BNC2: variants seen among roughly 807,000 people sequenced by gnomAD.
BNC2 encodes the protein zinc finger protein basonuclin-2.
A neutral mutation model predicts 76.3 loss-of-function variants in BNC2; 20 were observed. The ratio of observed to expected loss-of-function variants is 0.26; its 90% CI spans 0.18 to 0.38. BNC2 has a LOEUF of 0.38. BNC2 is among the 10% of genes least tolerant of loss of function. The pLI is 1.00. For synonymous variants in BNC2, 582 were observed against 514.8 expected (o/e 1.13, Z -1.77); for missense variants, 1,382 against 1,399.8 (o/e 0.99, Z 0.20).
intron 5 of BNC2, among the ~76,000 whole-genome samples, chr9:16,441,719 T>G (rs1563785513): frequency 6.6e-6 from 1 of 152,212 alleles, no homozygotes; most frequent in Admixed American, 6.5e-5. Flanking sequence ...TTGGGACAAG[T>G]GGACACTGCT....
chr9:16,819,584 G>A (rs966668710), intron 1 of BNC2, among the ~76,000 whole-genome samples: 1 of 152,070 alleles, frequency 6.6e-6, no homozygotes, highest in Non-Finnish European at 1.5e-5. Context: ...TTCAACCCAG[G>A]AGGTGGAGGT....
intron 5 of BNC2, among the ~76,000 whole-genome samples, chr9:16,543,882 C>T (rs148826997): frequency 1.3e-5 from 2 of 152,210 alleles, no homozygotes; most frequent in Admixed American, 1.3e-4. Flanking sequence ...GTAGAGTGGT[C>T]CAAGCACTTT....
intron 3 of BNC2, among the ~76,000 whole-genome samples, chr9:16,585,044 T>A (rs1045467368): frequency 3.9e-5 from 6 of 152,128 alleles, no homozygotes; most frequent in Non-Finnish European, 8.8e-5. Flanking sequence ...ACAGTTAATA[T>A]AAACTCCAGC....
chr9:16,540,492 C>A lies in BNC2; in HGVS notation c.669+12038G>T, dbSNP rs138653013. The stretch of plus-strand genomic sequence containing the variant: ...GAGTATAGGGTCTCTATATCTAAAA[C>A]TTTGACTTAAAGTTAACCAACTATT... On this transcript the variant is annotated intron_variant, in intron 5 of 6. Coordinates refer to ENST00000380672, the MANE Select transcript of BNC2 (RefSeq NM_017637.6). Among the ~76,000 whole-genome samples, 49 of 152,240 alleles carry A rather than the reference C, an allele frequency of 3.2e-4. No homozygotes were observed. In the East Asian group the frequency reaches 8.1e-3, roughly 25 times the overall value.
intron 5 of BNC2, among the ~76,000 whole-genome samples, chr9:16,479,868 C>G (rs1330629063): frequency 1.3e-5 from 2 of 152,168 alleles, no homozygotes; most frequent in East Asian, 3.9e-4. Flanking sequence ...TCTGTAACAG[C>G]TTAACCTTTG....
chr9:16,793,955 G>A (rs923983238), intron 1 of BNC2, among the ~76,000 whole-genome samples: 2 of 149,706 alleles, frequency 1.3e-5, no homozygotes, highest in Non-Finnish European at 3.0e-5. Flanking sequence ...TCCCATCTCG[G>A]CCTCCCAAAG....
intron 1 of BNC2, among the ~76,000 whole-genome samples, chr9:16,751,124 G>C (rs916326349): frequency 1.3e-5 from 2 of 151,580 alleles, no homozygotes; most frequent in African/African-American, 4.9e-5. Flanking sequence ...CATTTAAAAA[G>C]CTTTTCCAGG....
rs189379728 is a variant in BNC2 at position 16,793,954 on chromosome 9, G to C, written c.4-55469C>G. ...CCTGACCTCGTGATCCTCCCATCTC[G>C]GCCTCCCAAAGTGCTGGGATTACAG... On this transcript the variant is annotated intron_variant, in intron 1 of 6. Coordinates refer to ENST00000380672, the MANE Select transcript of BNC2 (RefSeq NM_017637.6). 5.7e-3 allele frequency among the ~76,000 whole-genome samples: 838 copies of C among 146,410 alleles called. 10 individuals are homozygous for C. Among genetic ancestry groups the C allele is most frequent in the African/African-American group, 0.02 (794 of 39,972 alleles).
chr9:16,738,632 T>G lies in BNC2; in HGVS notation c.4-147A>C, dbSNP rs1240517978. ...TTTAAGAGTTAATAGTTTCTAAGGCTGATAGTAGCCAACAGCTAAATAAAC... is the reference window on the plus strand; with the variant it reads ...TTTAAGAGTTAATAGTTTCTAAGGCGGATAGTAGCCAACAGCTAAATAAAC... On this transcript the variant is annotated intron_variant, in intron 1 of 6. Coordinates refer to ENST00000380672, the MANE Select transcript of BNC2 (RefSeq NM_017637.6). The G allele has an allele frequency of 5.7e-6, 5 of 880,068 alleles. No homozygotes were observed. In the East Asian group the frequency reaches 1.1e-4, roughly 19 times the overall value. 54.5% of individuals were successfully genotyped at this position (880,068 alleles called of 1,614,324 possible).
intron 1 of BNC2, among the ~76,000 whole-genome samples, chr9:16,809,015 A>G (rs925285913): frequency 1.4e-4 from 22 of 152,280 alleles, no homozygotes; most frequent in African/African-American, 5.3e-4. Context: ...CCATCTGACA[A>G]CAGCTCATTC....
At chr9:16,551,717 A>G (rs1818669134) in intron 5 of BNC2, among the ~76,000 whole-genome samples, 1 of 152,226 alleles carries the variant, frequency 6.6e-6, no homozygotes, top group Non-Finnish European at 1.5e-5. Flanking sequence ...TGACCCCTCA[A>G]GGGTTACAGG....
chr9:16,766,373 CTGATT>C (rs1452844437), intron 1 of BNC2, among the ~76,000 whole-genome samples: 2 of 152,086 alleles, frequency 1.3e-5, no homozygotes, highest in East Asian at 3.9e-4. Flanking sequence ...TTCGCAGCTG[CTGATT>C]TTTTAATCAT....
chr9:16,796,537 A>C (rs1817654391), intron 1 of BNC2, among the ~76,000 whole-genome samples: 1 of 149,414 alleles, frequency 6.7e-6, no homozygotes, highest in Admixed American at 6.9e-5. Flanking sequence ...ACGTCAATGC[A>C]CTCCAGCCTG....
In BNC2 at chr9:16,800,765, C is replaced by T. The variant is rs531701648; in HGVS notation, c.4-62280G>A. The stretch of plus-strand genomic sequence containing the variant: ...CCCTCTGAGGCACTGCCAACATCAA[C>T]ATCTGGTACCTGGTACAAAGAAAAT... On this transcript the variant is annotated intron_variant, in intron 1 of 6. Coordinates refer to ENST00000380672, the MANE Select transcript of BNC2 (RefSeq NM_017637.6). Among the ~76,000 whole-genome samples the T allele has an allele frequency of 5.9e-5, 9 of 152,306 alleles. No homozygotes were observed. The South Asian group carries it at 1.5e-3, about 25-fold the overall frequency.
chr9:16,460,861 C>T (rs1479139121), intron 5 of BNC2, among the ~76,000 whole-genome samples: 1 of 151,924 alleles, frequency 6.6e-6, no homozygotes, highest in Non-Finnish European at 1.5e-5. Context: ...AGGCATATGG[C>T]AGGCACTCCA....
chr9:16,528,083 G>C (rs939544709), intron 5 of BNC2, among the ~76,000 whole-genome samples: 12 of 152,182 alleles, frequency 7.9e-5, no homozygotes, highest in Non-Finnish European at 1.6e-4. Context: ...AGGAAAGATT[G>C]AAGAGCTGTG....
At chr9:16,682,167 TA>T (rs1243526669) in intron 3 of BNC2, among the ~76,000 whole-genome samples, 1 of 151,750 alleles carries the variant, frequency 6.6e-6, no homozygotes, top group Non-Finnish European at 1.5e-5. Context: ...GTTTAGTTCA[TA>T]CTGTTGTTAA....
intron 3 of BNC2, among the ~76,000 whole-genome samples, chr9:16,708,721 G>A (rs539392313): frequency 6.6e-6 from 1 of 152,208 alleles, no homozygotes; most frequent in Non-Finnish European, 1.5e-5. Context: ...AGTCAGTAGG[G>A]AAAGGGAGAG....
intron 4 of BNC2, among the ~76,000 whole-genome samples, chr9:16,576,360 T>C (rs1399178659): frequency 6.6e-6 from 1 of 152,322 alleles, no homozygotes; most frequent in African/African-American, 2.4e-5. Context: ...AGAAATGTCA[T>C]GCTTTATTCT....
Sources: allele counts gnomAD v4.1 joint callset (sites outside exome capture counted in the v4.1 genomes callset), GRCh38; gene constraint gnomAD v4.1.1; transcripts MANE v1.5; gene names NCBI Gene and HGNC (gene_info 2026-07-23, HGNC 2026-07-21).